Variants in SUCO observed in about 807,000 individuals in gnomAD.
SUCO encodes the protein SUN domain-containing ossification factor.
A neutral mutation model predicts 148.1 loss-of-function variants in SUCO; 57 were observed. The observed-to-expected ratio is 0.38, with a 90% CI of 0.31 to 0.48. SUCO has a LOEUF of 0.48. Ranked by LOEUF, SUCO falls within the 20% of genes least tolerant of loss-of-function variation. The pLI, the probability that SUCO is intolerant of heterozygous loss-of-function variation, is 0.96. For synonymous variants in SUCO, 470 were observed against 502.7 expected, an observed-to-expected ratio of 0.93 and a Z score of 0.87; for missense variants, 1,331 against 1,468.2, an observed-to-expected ratio of 0.91 and a Z score of 1.53.
At chr1:172,553,231 AG>A (rs1259761757) in intron 2 of SUCO, 28 bp from the exon 3 acceptor site, 3 of 1,522,668 alleles carry the variant, frequency 2.0e-6, no homozygotes, top group African/African-American at 2.8e-5. Flanking sequence ...CAGTTTTATC[AG>A]GTGATTTTTG....
chr1:172,610,449 G>A lies in SUCO; in HGVS notation c.*190G>A. On this transcript the variant is annotated 3_prime_UTR_variant, in exon 24 of 24. Transcript: ENST00000263688. ...GGTTAATGAGCTACAGTTTTACAAA[G>A]CTGATCACTTCCTATAAGGACAATG... The A allele has an allele frequency of 1.3e-6, 1 of 795,548 alleles. No homozygotes were observed. Among genetic ancestry groups the A allele is most frequent in the Admixed American group, 3.7e-5 (1 of 27,294 alleles). 49.3% of individuals were successfully genotyped at this position (795,548 alleles called of 1,614,324 possible).
chr1:172,604,012 G>A (rs1325803545), intron 22 of SUCO, among the ~76,000 whole-genome samples: 1 of 151,954 alleles, frequency 6.6e-6, no homozygotes, highest in African/African-American at 2.4e-5. Context: ...GGGTATGTGT[G>A]TGTTCAGCTT....
chr1:172,606,234 T>C (rs1353049732), intron 22 of SUCO, among the ~76,000 whole-genome samples: 1 of 151,590 alleles, frequency 6.6e-6, no homozygotes, highest in Non-Finnish European at 1.5e-5. Context: ...TGGATTTTGG[T>C]ATGTAAGGTT....
At chr1:172,587,924 C>A (rs1328890738) in intron 17 of SUCO, among the ~76,000 whole-genome samples, 4 of 152,038 alleles carry the variant, frequency 2.6e-5, no homozygotes, top group Non-Finnish European at 4.4e-5. Flanking sequence ...ATAACACTGT[C>A]CCCATAAGCT....
rs113997299 is a variant in SUCO, at chr1:172,551,552, G to A, written c.103G>A (p.Ala35Thr). The A allele has an allele frequency of 1.0e-3, 1,616 of 1,611,340 alleles. 19 individuals carry two copies. In the African/African-American group the frequency reaches 0.019, roughly 19 times the overall value. Residue 35 changes from alanine to threonine, a missense_variant, in exon 2 of 24, where the codon GCT (alanine) becomes ACT (threonine). Physicochemically the swap from Ala to Thr is moderately conservative, Grantham distance 58. Transcript: ENST00000263688. ...TGTATGTTGTAAAGAGAGTTCTTCA[G>A]CTTCAGCGTCATCATATTACTCTCA... ...WRVCCKESSS[A>T]SASSYYSQDD... is the part of the protein sequence containing the mutation.
rs748334226 is a variant in SUCO at position 172,589,397 on chromosome 1, C to G, written c.2296C>G (p.Pro766Ala). Reference sequence around the variant, plus strand: ...AGGACATATACCATCACCAGTGATTCCCCAAGAGAGTTCTGTTGAGATCGA... The same window carrying G: ...AGGACATATACCATCACCAGTGATTGCCCAAGAGAGTTCTGTTGAGATCGA... ...EAGHIPSPVIPQESSVEIDNE... is the reference protein window; with the variant it reads ...EAGHIPSPVIAQESSVEIDNE... The change falls in exon 18 of 24, where the codon CCC (proline) becomes GCC (alanine). Residue 766 changes from proline (P) to alanine (A), a missense_variant. Pro to Ala is a conservative substitution (Grantham distance 27). Coordinates refer to ENST00000263688, the MANE Select transcript of SUCO (RefSeq NM_014283.5). The G allele has an allele frequency of 6.2e-7, 1 of 1,613,554 alleles. No homozygotes were observed. Among genetic ancestry groups the G allele is most frequent in the Non-Finnish European group, 8.5e-7 (1 of 1,179,836 alleles).
At chr1:172,555,820 G>A (rs1257496082) in intron 3 of SUCO, 49 bp from the exon 4 acceptor site, 3 of 1,460,482 alleles carry the variant, frequency 2.1e-6, no homozygotes, top group Non-Finnish European at 1.9e-6. Context: ...CTAAAGAGAT[G>A]TTATATTAAT....
In SUCO at chr1:172,533,172, A is replaced by G. The variant is rs369053337; in HGVS notation, c.-264A>G. 1.2e-5 allele frequency: 17 copies of G among 1,472,090 alleles called. No individual in the cohort carries two copies. The highest frequency in any genetic ancestry group is 1.4e-5 in the Non-Finnish European group (16 of 1,115,432). 91.2% of individuals were successfully genotyped at this position (1,472,090 alleles called of 1,614,324 possible). A position where few individuals can be genotyped will look rare whatever the true frequency, so the allele number is the denominator to read the frequency against. On this transcript the variant is annotated 5_prime_UTR_variant, in exon 1 of 24. Transcript: ENST00000263688. ...GATATGGGGCGGCAGTGGCGGCTGC[A>G]GGAGGCGGGCGTGGACGAGCCGGTG...
chr1:172,533,939 T>G (rs1651820965), intron 1 of SUCO, among the ~76,000 whole-genome samples: 1 of 152,130 alleles, frequency 6.6e-6, no homozygotes, highest in South Asian at 2.1e-4. Flanking sequence ...TGAGTGGTCA[T>G]GAAGGTAAGA....
chr1:172,600,226 C>A, intron 20 of SUCO, 58 bp downstream of exon 20: 2 of 1,227,298 alleles, frequency 1.6e-6, no homozygotes, highest in Admixed American at 2.4e-5. Flanking sequence ...TGTCATAAAG[C>A]CAGGCTTGTT....
chr1:172,598,646 A>G (rs945141141), intron 19 of SUCO, among the ~76,000 whole-genome samples: 3 of 152,200 alleles, frequency 2.0e-5, no homozygotes, highest in African/African-American at 7.2e-5. Context: ...TGTAGCATCT[A>G]TGTCTTGTGT....
Position 172,602,095 on chromosome 1 carries a change from C to T in SUCO, c.3050C>T (p.Ser1017Phe). 1 of 1,612,476 alleles carries T rather than the reference C, an allele frequency of 6.2e-7. No individual in the cohort carries two copies. The highest frequency in any genetic ancestry group is 8.5e-7 in the Non-Finnish European group (1 of 1,179,366). ...VSDRQSYLVI[S>F]LVLCVVLGLM... Reference sequence around the variant, plus strand: ...GATCGACAAAGCTATCTTGTCATATCTTTGGTTCTTTGTGTTGTCTTGGGA... The same window carrying T: ...GATCGACAAAGCTATCTTGTCATATTTTTGGTTCTTTGTGTTGTCTTGGGA... Residue 1017 changes from serine to phenylalanine, a missense_variant, in exon 21 of 24, where the codon TCT (serine) becomes TTT (phenylalanine). Physicochemically the swap from Ser to Phe is radical, Grantham distance 155. Around this residue, in one of 3 missense-constraint regions of SUCO, gnomAD observed 334 missense variants for 352.3 expected, o/e 0.95. Coordinates refer to ENST00000263688, the MANE Select transcript of SUCO (RefSeq NM_014283.5).
At chr1:172,541,231 A>G (rs1302309931) in intron 1 of SUCO, among the ~76,000 whole-genome samples, 1 of 152,196 alleles carries the variant, frequency 6.6e-6, no homozygotes, top group African/African-American at 2.4e-5. Context: ...ATATGCATAG[A>G]TGTTTTAAAT....
chr1:172,553,068 T>C (rs1018742494), intron 2 of SUCO, 192 bp from the exon 3 acceptor site: 1 of 265,252 alleles, frequency 3.8e-6, no homozygotes, highest in African/African-American at 2.3e-5. Context: ...TATTGCACAT[T>C]TTAAATGTTG....
intron 1 of SUCO, chr1:172,542,007 G>A (rs1652496507): frequency 5.4e-6 from 1 of 186,506 alleles, no homozygotes. Flanking sequence ...GGAAGGAGCT[G>A]TTAGTTGGAG....
chr1:172,540,665 C>G (rs892142322), intron 1 of SUCO, among the ~76,000 whole-genome samples: 4 of 152,222 alleles, frequency 2.6e-5, no homozygotes, highest in African/African-American at 9.7e-5. Context: ...TTTATAAACT[C>G]TGCTTCTGTG....
In SUCO at chr1:172,589,323, T is replaced by A. The variant is rs768726157; in HGVS notation, c.2222T>A (p.Ile741Asn). ...CTTCTTTTAGATATTACCCCAGAAA[T>A]CAATCCCTTGCCTAAAATAGAAGTA... is the stretch of plus-strand genomic sequence containing the variant. ...QSLLLDITPE[I>N]NPLPKIEVSE... Residue 741 changes from isoleucine (I) to asparagine (N), a missense_variant, in exon 18 of 24, where the codon ATC (isoleucine) becomes AAC (asparagine). By Grantham distance (149) the Ile-to-Asn change is moderately radical. This residue lies in a region of SUCO where 992 missense variants were observed against 1,093.5 expected (regional missense o/e 0.91). Transcript: ENST00000263688. The A allele has an allele frequency of 2.4e-5, 38 of 1,613,312 alleles. No homozygotes were observed. The South Asian group carries it at 4.1e-4, about 17-fold the overall frequency.
At position 172,575,532 on chromosome 1, in the gene SUCO, A is replaced by G; in HGVS notation, c.1172A>G (p.Lys391Arg). The change falls in exon 11 of 24, where the codon AAG (lysine) becomes AGG (arginine). Residue 391 changes from lysine (K) to arginine (R), a missense_variant. Lys to Arg is a conservative substitution (Grantham distance 26, BLOSUM62 2). This residue lies in a region of SUCO where 992 missense variants were observed against 1,093.5 expected (regional missense o/e 0.91). Transcript: ENST00000263688. Reference sequence around the variant, plus strand: ...ATATTTTTTAGATATCCAACAAATAAGTGGATTAAGCTGGGTACTTTTCAT... The same window carrying G: ...ATATTTTTTAGATATCCAACAAATAGGTGGATTAAGCTGGGTACTTTTCAT... ...VSISDRYPTN[K>R]WIKLGTFHGR... The G allele has an allele frequency of 6.2e-7, 1 of 1,608,910 alleles. No homozygotes were observed. The highest frequency in any genetic ancestry group is 1.3e-5 in the African/African-American group (1 of 74,844).
chr1:172,548,190 T>G (rs1473930557), intron 1 of SUCO, among the ~76,000 whole-genome samples: 1 of 151,984 alleles, frequency 6.6e-6, no homozygotes, highest in African/African-American at 2.4e-5. Flanking sequence ...TTCTAGAAAT[T>G]TATCCATTTC....
Sources: gnomAD v4.1 joint callset for allele counts (sites outside exome capture counted in the v4.1 genomes callset) on GRCh38, gnomAD v4.1.1 for gene constraint, gnomAD v4.1.1 regional missense constraint, MANE v1.5 for transcripts, NCBI Gene and HGNC (gene_info 2026-07-23, HGNC 2026-07-21) for gene names.